ZBTB7C: variants seen among roughly 807,000 people sequenced by gnomAD.
ZBTB7C encodes the protein zinc finger and BTB domain-containing protein 7C.
Under a neutral mutation model 25.7 loss-of-function variants are expected in ZBTB7C, and 8 were observed. The ratio of observed to expected loss-of-function variants is 0.31; its 90% CI spans 0.18 to 0.56. The LOEUF (loss-of-function observed/expected upper bound fraction) is 0.56, where lower values mean the gene tolerates loss of function less well. Ranked by LOEUF, ZBTB7C falls within the 20% of genes least tolerant of loss-of-function variation. The pLI, the probability that ZBTB7C is intolerant of heterozygous loss-of-function variation, is 0.91. For missense variants in ZBTB7C, 824 were observed against 855.2 expected, an observed-to-expected ratio of 0.96 and a Z score of 0.46; for synonymous variants, 394 against 369.0, an observed-to-expected ratio of 1.07 and a Z score of -0.78.
chr18:48,403,908 G>A (rs946088956), intron 1 of ZBTB7C, among the ~76,000 whole-genome samples: 7 of 152,012 alleles, frequency 4.6e-5, no homozygotes, highest in South Asian at 2.1e-4. Flanking sequence ...TAAATTATAC[G>A]GGAAGCATTG....
At chr18:48,281,062 C>T (rs961830102) in intron 2 of ZBTB7C, among the ~76,000 whole-genome samples, 13 of 152,156 alleles carry the variant, frequency 8.5e-5, no homozygotes, top group African/African-American at 3.1e-4. Context: ...CCATGTTGGC[C>T]AGACTGGTCT....
intron 3 of ZBTB7C, among the ~76,000 whole-genome samples, chr18:48,132,245 A>G (rs1377024993): frequency 6.6e-6 from 1 of 152,232 alleles, no homozygotes; most frequent in African/African-American, 2.4e-5. Context: ...AGCAATAAAG[A>G]GAAATGAAGT....
At chr18:48,074,015 T>A (rs1298795695) in intron 3 of ZBTB7C, among the ~76,000 whole-genome samples, 1 of 93,708 alleles carries the variant, frequency 1.1e-5, no homozygotes, top group East Asian at 2.7e-4. Context: ...GAAAAATTTC[T>A]TTTTTTTTTT....
intron 3 of ZBTB7C, among the ~76,000 whole-genome samples, chr18:48,113,027 C>T (rs917275297): frequency 2.6e-5 from 4 of 152,190 alleles, no homozygotes; most frequent in Non-Finnish European, 5.9e-5. Flanking sequence ...GTGTGGAGAA[C>T]CCAACTTTGA....
At position 48,040,557 on chromosome 18, in the gene ZBTB7C, C is replaced by A. The variant is rs771088234; in HGVS notation, c.551G>T (p.Ser184Ile). The A allele has an allele frequency of 6.2e-7, 1 of 1,613,950 alleles. No individual in the cohort carries two copies. The highest frequency in any genetic ancestry group is 8.5e-7 in the Non-Finnish European group (1 of 1,179,998). The change falls in exon 4 of 5, where the codon AGC becomes ATC. Residue 184 changes from serine to isoleucine, a missense_variant. By Grantham distance (142) the Ser-to-Ile change is moderately radical. This residue lies in a region of ZBTB7C where 316 missense variants were observed against 299.2 expected (regional missense o/e 1.06). Coordinates refer to ENST00000590800, the MANE Select transcript of ZBTB7C (RefSeq NM_001318841.2). Reference protein sequence around the residue: ...QENLPDPQDISCHQSPSKTDH... With the variant: ...QENLPDPQDIICHQSPSKTDH... ...TGTCTTGGAAGGGCTTTGGTGGCAG[C>A]TGATGTCCTGGGGGTCAGGCAAGTT...
At chr18:48,107,138 G>A (rs1460753155) in intron 3 of ZBTB7C, among the ~76,000 whole-genome samples, 12 of 150,880 alleles carry the variant, frequency 8.0e-5, no homozygotes, top group African/African-American at 2.9e-4. Context: ...GGTGGAGAAT[G>A]TGGGGAGGGG....
chr18:48,271,453 C>A (rs2044482132), intron 2 of ZBTB7C, among the ~76,000 whole-genome samples: 1 of 149,250 alleles, frequency 6.7e-6, no homozygotes, highest in African/African-American at 2.4e-5. Context: ...ATACATATAT[C>A]AATAAACTGT....
At chr18:48,114,549 C>T (rs562981655) in intron 3 of ZBTB7C, among the ~76,000 whole-genome samples, 8 of 151,884 alleles carry the variant, frequency 5.3e-5, no homozygotes, top group African/African-American at 1.9e-4. Context: ...TGCAGTGAGC[C>T]AAGATAGCAT....
chr18:48,295,068 A>G (rs2045348850), intron 2 of ZBTB7C, among the ~76,000 whole-genome samples: 1 of 152,026 alleles, frequency 6.6e-6, no homozygotes, highest in African/African-American at 2.4e-5. Context: ...AGTCAGTGCC[A>G]CTCAGGAAGC....
chr18:48,195,936 G>T (rs1373769711), intron 2 of ZBTB7C, among the ~76,000 whole-genome samples: 1 of 151,994 alleles, frequency 6.6e-6, no homozygotes, highest in Non-Finnish European at 1.5e-5. Context: ...AATTACAATA[G>T]CAAGTTCCAC....
At chr18:48,209,775 A>G (rs2042661440) in intron 2 of ZBTB7C, among the ~76,000 whole-genome samples, 1 of 152,068 alleles carries the variant, frequency 6.6e-6, no homozygotes, top group Admixed American at 6.6e-5. Flanking sequence ...AAAAAATCCA[A>G]GTCATATGAT....
At chr18:48,082,805 C>A (rs183057494) in intron 3 of ZBTB7C, among the ~76,000 whole-genome samples, 3 of 152,270 alleles carry the variant, frequency 2.0e-5, no homozygotes, top group Admixed American at 1.3e-4. Context: ...AGGCCTAGAG[C>A]AGGTTGCTTT....
chr18:48,258,180 G>A (rs1348892303), intron 2 of ZBTB7C, among the ~76,000 whole-genome samples: 1 of 152,190 alleles, frequency 6.6e-6, no homozygotes, highest in African/African-American at 2.4e-5. Flanking sequence ...AAAAAGTCAA[G>A]GCTATCCACT....
rs180772772 is a variant in ZBTB7C, at chr18:48,288,517, A to G, written c.-79+49657T>C. 6.2e-3 allele frequency among the ~76,000 whole-genome samples: 935 copies of G among 150,654 alleles called. 8 individuals carry two copies. Among genetic ancestry groups the G allele is most frequent in the African/African-American group, 0.022 (891 of 41,110 alleles). The stretch of plus-strand genomic sequence containing the variant: ...ACAAAAAAAAAAAAAAAAGCTGGGC[A>G]TGGTTGTGGACACTTGTAATCCCAG... On this transcript the variant is annotated intron_variant, in intron 2 of 4. Transcript: ENST00000590800.
At chr18:48,353,161 G>A (rs533229087) in intron 1 of ZBTB7C, among the ~76,000 whole-genome samples, 2 of 152,180 alleles carry the variant, frequency 1.3e-5, no homozygotes, top group African/African-American at 4.8e-5. Flanking sequence ...AACTCTGGGA[G>A]ATAGGTATGG....
chr18:48,100,899 C>T (rs1568218159), intron 3 of ZBTB7C, among the ~76,000 whole-genome samples: 1 of 27,686 alleles, frequency 3.6e-5, no homozygotes, highest in African/African-American at 1.0e-4. Context: ...CCTGTAGGGG[C>T]GGTAGGGGAC....
At chr18:48,242,265 A>T (rs1469675932) in intron 2 of ZBTB7C, among the ~76,000 whole-genome samples, 1 of 152,222 alleles carries the variant, frequency 6.6e-6, no homozygotes, top group Non-Finnish European at 1.5e-5. Context: ...TATCTCAGAC[A>T]TTAAAAGAAG....
At chr18:48,261,287 G>T (rs1232690861) in intron 2 of ZBTB7C, among the ~76,000 whole-genome samples, 1 of 152,162 alleles carries the variant, frequency 6.6e-6, no homozygotes, top group Non-Finnish European at 1.5e-5. Flanking sequence ...TATCTCGAGT[G>T]CTGGGCAGGG....
chr18:48,170,203 A>G (rs1269214251), intron 3 of ZBTB7C, among the ~76,000 whole-genome samples: 1 of 152,182 alleles, frequency 6.6e-6, no homozygotes, highest in East Asian at 1.9e-4. Flanking sequence ...TGGACCAAAG[A>G]CCCTGCCTCA....
Sources: allele counts gnomAD v4.1 joint callset (sites outside exome capture counted in the v4.1 genomes callset), GRCh38; gene constraint gnomAD v4.1.1; regional missense constraint gnomAD v4.1.1; transcripts MANE v1.5; gene names NCBI Gene and HGNC (gene_info 2026-07-23, HGNC 2026-07-21).